SMURF1: variants seen among roughly 807,000 people sequenced by gnomAD.
SMURF1 encodes E3 ubiquitin-protein ligase SMURF1.
Under a neutral mutation model 98.0 loss-of-function variants are expected in SMURF1, and 44 were observed. The observed-to-expected ratio is 0.45, with a 90% CI of 0.35 to 0.58. SMURF1 has a LOEUF of 0.58. Among genes scored for constraint, SMURF1 ranks in the 20% least tolerant of loss-of-function variants. The pLI is 0.00. For missense variants in SMURF1, 687 were observed against 938.4 expected (o/e 0.73, Z 3.50); for synonymous variants, 396 against 374.9 (o/e 1.06, Z -0.65).
chr7:99,084,485 C>G (rs1244689967), intron 1 of SMURF1, among the ~76,000 whole-genome samples: 5 of 152,188 alleles, frequency 3.3e-5, no homozygotes, highest in African/African-American at 7.2e-5. Flanking sequence ...AAATTTAATG[C>G]AATTCTGTTA....
chr7:99,123,009 G>A (rs1346356468), intron 1 of SMURF1, among the ~76,000 whole-genome samples: 4 of 151,704 alleles, frequency 2.6e-5, no homozygotes, highest in African/African-American at 9.7e-5. Context: ...AGAGAAAATG[G>A]TGGCAAGGCC....
intron 1 of SMURF1, among the ~76,000 whole-genome samples, chr7:99,137,722 TAC>T (rs1222747692): frequency 2.6e-5 from 4 of 152,244 alleles, no homozygotes; most frequent in Non-Finnish European, 5.9e-5. Flanking sequence ...CAGCTGGAAT[TAC>T]AGAGTGGGGC....
intron 1 of SMURF1, among the ~76,000 whole-genome samples, chr7:99,094,358 G>A (rs1796896337): frequency 6.6e-6 from 1 of 151,822 alleles, no homozygotes; most frequent in African/African-American, 2.4e-5. Context: ...AACTCCACAG[G>A]TAATTTTAAA....
At chr7:99,031,799 C>T (rs1422353089) in intron 17 of SMURF1, among the ~76,000 whole-genome samples, 1 of 152,214 alleles carries the variant, frequency 6.6e-6, no homozygotes, top group African/African-American at 2.4e-5. Context: ...TCTGACCCCG[C>T]ATCCTTGGGT....
At chr7:99,069,043 T>C (rs1584475038) in intron 1 of SMURF1, among the ~76,000 whole-genome samples, 1 of 152,180 alleles carries the variant, frequency 6.6e-6, no homozygotes, top group Admixed American at 6.5e-5. Flanking sequence ...TAAGTGGCTG[T>C]TCTTTGTTGT....
intron 1 of SMURF1, among the ~76,000 whole-genome samples, chr7:99,081,856 T>C (rs1003632283): frequency 2.6e-5 from 4 of 152,246 alleles, no homozygotes; most frequent in African/African-American, 2.4e-5. Context: ...TTTTGCCGTG[T>C]TGGCCAGGCT....
intron 1 of SMURF1, among the ~76,000 whole-genome samples, chr7:99,068,238 T>A (rs1169624593): frequency 1.3e-5 from 2 of 152,222 alleles, no homozygotes; most frequent in Non-Finnish European, 2.9e-5. Flanking sequence ...TGCACAACTG[T>A]GCCCTCCCTG....
At chr7:99,047,370 GTTTCTGTATACACCTCTAGGT>G (rs1795617001) in intron 10 of SMURF1, among the ~76,000 whole-genome samples, 1 of 152,306 alleles carries the variant, frequency 6.6e-6, no homozygotes, top group South Asian at 2.1e-4. Flanking sequence ...TTTAGTGCTA[GTTTCTGTATACACCTCTAGGT>G]TTTCACCTAG....
chr7:99,143,796 G>T lies in SMURF1; in HGVS notation c.-16C>A, dbSNP rs960558495. ...GGTTCGACATCTCCCGCCAACGATC[G>T]GGCAGCCGCGGATCCAGCGCCACCG... is the stretch of plus-strand genomic sequence containing the variant. On this transcript the variant is annotated 5_prime_UTR_variant, in exon 1 of 18. Transcript: ENST00000361368. 1.9e-6 allele frequency: 3 copies of T among 1,550,164 alleles called. No homozygotes were observed. The African/African-American group carries it at 4.3e-5, about 22-fold the overall frequency.
intron 1 of SMURF1, among the ~76,000 whole-genome samples, chr7:99,129,029 A>G (rs1329070149): frequency 2.0e-5 from 3 of 152,236 alleles, no homozygotes; most frequent in African/African-American, 7.2e-5. Context: ...ACTTTAGATC[A>G]TACTCTATTA....
Position 99,143,858 on chromosome 7 carries a change from G to T in SMURF1, c.-78C>A. 2.3e-6 allele frequency: 3 copies of T among 1,329,874 alleles called. No homozygotes were observed. The highest frequency in any genetic ancestry group is 3.0e-6 in the Non-Finnish European group (3 of 1,004,502). The allele number at this position is 1,329,874 out of a possible 1,614,324, so 82.4% of individuals were successfully genotyped here. On this transcript the variant is annotated 5_prime_UTR_variant, in exon 1 of 18. Transcript: ENST00000361368. ...GGCCCGGCCCGGCCCCGCCGCCGCC[G>T]CCTCAAGGTTACGGCTCCGGGCTGG... is the stretch of plus-strand genomic sequence containing the variant.
intron 1 of SMURF1, among the ~76,000 whole-genome samples, chr7:99,108,207 C>T (rs1797234676): frequency 6.6e-6 from 1 of 152,094 alleles, no homozygotes; most frequent in African/African-American, 2.4e-5. Flanking sequence ...CTGTTACGCC[C>T]TTGCACTAAA....
intron 1 of SMURF1, among the ~76,000 whole-genome samples, chr7:99,137,169 A>G (rs146633440): frequency 3.1e-4 from 47 of 152,270 alleles, no homozygotes; most frequent in African/African-American, 1.0e-3. Context: ...TATTAGCTTT[A>G]TTATTTACCT....
Position 99,064,063 on chromosome 7 carries a change from C to A in SMURF1, c.56-2226G>T, listed in dbSNP as rs141056879. 7.6e-3 allele frequency among the ~76,000 whole-genome samples: 1,151 copies of A among 152,222 alleles called. 14 individuals carry two copies. Among genetic ancestry groups the A allele is most frequent in the African/African-American group, 0.026 (1,084 of 41,536 alleles). On this transcript the variant is annotated intron_variant, in intron 1 of 17. Transcript: ENST00000361368. The stretch of plus-strand genomic sequence containing the variant: ...TTGGCCTTTGTCTATTGATACGGTG[C>A]GTGACATTAATTGATTTTAAGTTGT...
chr7:99,035,956 G>A (rs1369898264), intron 15 of SMURF1: 3 of 547,418 alleles, frequency 5.5e-6, no homozygotes, highest in Non-Finnish European at 9.9e-6. Flanking sequence ...AGCTGTTGAT[G>A]GGATGTTATT....
intron 1 of SMURF1, among the ~76,000 whole-genome samples, chr7:99,089,067 G>A (rs1273291966): frequency 6.6e-6 from 1 of 152,126 alleles, no homozygotes; most frequent in African/African-American, 2.4e-5. Flanking sequence ...AGCTAGGCGT[G>A]GTGGCGTGCG....
At chr7:99,054,136 G>A (rs1017179739) in intron 6 of SMURF1, among the ~76,000 whole-genome samples, 2 of 151,974 alleles carry the variant, frequency 1.3e-5, no homozygotes, top group Non-Finnish European at 1.5e-5. Context: ...ACAAAGTCTC[G>A]CTATGTTGCC....
Position 99,052,526 on chromosome 7 carries a change from G to C in SMURF1, c.480-80C>G, listed in dbSNP as rs560255357. 7.5e-6 allele frequency: 10 copies of C among 1,340,730 alleles called. No individual in the cohort carries two copies. In the Admixed American group the frequency reaches 9.1e-5, roughly 12 times the overall value. 83.1% of individuals were successfully genotyped at this position (1,340,730 alleles called of 1,614,324 possible). A position where few individuals can be genotyped will look rare whatever the true frequency, so the allele number is the denominator to read the frequency against. On this transcript the variant is annotated intron_variant, in intron 6 of 17. Coordinates refer to ENST00000361368, the MANE Select transcript of SMURF1 (RefSeq NM_181349.3). ...CAGCGCCTTAGGGCTAGTGTCCTAG[G>C]GGACACCGTCACATAAATTGATTTG...
intron 5 of SMURF1, among the ~76,000 whole-genome samples, chr7:99,055,425 G>A (rs537303321): frequency 1.2e-4 from 18 of 151,880 alleles, no homozygotes; most frequent in African/African-American, 3.6e-4. Context: ...CTAAGATCGC[G>A]CCACTGAACT....
Sources: gnomAD v4.1 joint callset for allele counts (sites outside exome capture counted in the v4.1 genomes callset) on GRCh38, gnomAD v4.1.1 for gene constraint, MANE v1.5 for transcripts, NCBI Gene and HGNC (gene_info 2026-07-23, HGNC 2026-07-21) for gene names.